The following LDHC variants were observed in gnomAD, a reference collection of about 807,000 sequenced individuals.
The protein encoded by LDHC is L-lactate dehydrogenase C chain.
Under a neutral mutation model 30.2 loss-of-function variants are expected in LDHC, and 20 were observed. That is an observed-to-expected ratio of 0.66 (90% CI 0.47 to 0.96). LDHC has a LOEUF of 0.96. Ranked by LOEUF, LDHC falls within the 40% of genes least tolerant of loss-of-function variation. The probability of loss-of-function intolerance (pLI) is 0.00; values close to 1 mark genes in which losing one functional copy is unlikely to be tolerated. For synonymous variants in LDHC, 139 were observed against 132.7 expected, an observed-to-expected ratio of 1.05 and a Z score of -0.32; for missense variants, 362 against 394.9, an observed-to-expected ratio of 0.92 and a Z score of 0.71.
chr11:18,432,493 T>C (rs1029340193), intron 4 of LDHC, among the ~76,000 whole-genome samples: 3 of 152,238 alleles, frequency 2.0e-5, no homozygotes, highest in African/African-American at 7.2e-5. Flanking sequence ...TTCCAAGGTA[T>C]AGTTTAAATT....
At chr11:18,423,131 C>G (rs1848097313) in intron 3 of LDHC, among the ~76,000 whole-genome samples, 1 of 152,048 alleles carries the variant, frequency 6.6e-6, no homozygotes, top group Non-Finnish European at 1.5e-5. Flanking sequence ...TCGAGACCAG[C>G]CTGGCCAACA....
intron 5 of LDHC, among the ~76,000 whole-genome samples, chr11:18,436,006 T>C (rs559162863): frequency 2.0e-5 from 3 of 152,340 alleles, no homozygotes; most frequent in Non-Finnish European, 2.9e-5. Flanking sequence ...AATAAACCAA[T>C]TGAGAATAAA....
intron 1 of LDHC, 39 bp from the exon 2 acceptor site, chr11:18,412,670 A>G (rs2134041372): frequency 6.3e-7 from 1 of 1,581,626 alleles, no homozygotes; most frequent in South Asian, 1.1e-5. Flanking sequence ...TTAGATGTTC[A>G]GTGTGGTTAA....
chr11:18,414,251 A>T (rs945133060), intron 2 of LDHC, among the ~76,000 whole-genome samples: 2 of 152,168 alleles, frequency 1.3e-5, no homozygotes, highest in African/African-American at 4.8e-5. Flanking sequence ...ATGTCCACTT[A>T]TGAACTGATT....
intron 4 of LDHC, 38 bp from the exon 5 acceptor site, chr11:18,434,702 T>C (rs760847131): frequency 2.9e-6 from 4 of 1,370,578 alleles, no homozygotes; most frequent in Non-Finnish European, 4.1e-6. Flanking sequence ...TTTTAAGTTA[T>C]GATGAATCTT....
intron 6 of LDHC, among the ~76,000 whole-genome samples, chr11:18,442,245 T>A (rs1464429407): frequency 1.3e-5 from 2 of 152,140 alleles, no homozygotes; most frequent in Non-Finnish European, 2.9e-5. Flanking sequence ...TAGTTAATAG[T>A]CCACATTTAT....
intron 3 of LDHC, among the ~76,000 whole-genome samples, chr11:18,426,526 C>A (rs79525238): frequency 4.7e-3 from 518 of 111,314 alleles, no homozygotes; most frequent in Admixed American, 7.2e-3. Flanking sequence ...GACTCCGTCT[C>A]AAAAAAAAAA....
intron 6 of LDHC, among the ~76,000 whole-genome samples, chr11:18,442,660 CTTTT>C (rs34884188): frequency 8.9e-6 from 1 of 112,624 alleles, no homozygotes; most frequent in Admixed American, 1.1e-4. Context: ...TTCTCTCTCT[CTTTT>C]TTTTTTTTTT....
At chr11:18,412,685 A>G (rs745890713) in intron 1 of LDHC, 24 bp from the exon 2 acceptor site, 33 of 1,606,200 alleles carry the variant, frequency 2.1e-5, no homozygotes, top group African/African-American at 5.3e-5. Flanking sequence ...GGTTAATCCA[A>G]TGAAATTGCA....
Position 18,426,833 on chromosome 11 carries a change from AT to A in LDHC, c.245-2901del, listed in dbSNP as rs1433623110. 3.9e-5 allele frequency among the ~76,000 whole-genome samples: 6 copies of A among 152,164 alleles called. No individual in the cohort carries two copies. The East Asian group carries it at 1.2e-3, about 29-fold the overall frequency. ...GTGCCCTGATCCTGTTAATGCCATC[AT>A]TTCCTTACCTGTTGTTTATTTTTCT... On this transcript the variant is annotated intron_variant, in intron 3 of 7. Transcript: ENST00000541669.
Position 18,450,784 on chromosome 11 carries a change from T to C in LDHC, c.835-179T>C, listed in dbSNP as rs150287472. ...TCTTCTTCATGTCACTGAATGTAAG[T>C]TCCACATGGTTATAGGACATAAGGA... On this transcript the variant is annotated intron_variant, in intron 7 of 7. Coordinates refer to ENST00000541669, the MANE Select transcript of LDHC (RefSeq NM_017448.5). The C allele has an allele frequency of 4.1e-5, 20 of 482,316 alleles. No individual in the cohort carries two copies. In the East Asian group the frequency reaches 7.2e-4, roughly 17 times the overall value. The allele number at this position is 482,316 out of a possible 1,614,324, so 29.9% of individuals were successfully genotyped here.
intron 4 of LDHC, among the ~76,000 whole-genome samples, chr11:18,431,533 T>G (rs1189410894): frequency 6.6e-6 from 1 of 151,654 alleles, no homozygotes; most frequent in Non-Finnish European, 1.5e-5. Context: ...TTGTGTGTGT[T>G]TTTGTTTTGT....
At position 18,450,944 on chromosome 11, in the gene LDHC, A is replaced by G; in HGVS notation, c.835-19A>G. Reference sequence around the variant, plus strand: ...TTCCATATCAGGTTATTTGAACAATATCTTATCTTGCCTTTCAGGGATTAT... The same window carrying G: ...TTCCATATCAGGTTATTTGAACAATGTCTTATCTTGCCTTTCAGGGATTAT... On this transcript the variant is annotated intron_variant, in intron 7 of 7. Coordinates refer to ENST00000541669, the MANE Select transcript of LDHC (RefSeq NM_017448.5). 1 of 1,555,040 alleles carries G rather than the reference A, an allele frequency of 6.4e-7. No individual in the cohort carries two copies. Among genetic ancestry groups the G allele is most frequent in the Non-Finnish European group, 8.7e-7 (1 of 1,149,202 alleles).
At chr11:18,426,394 G>T (rs1408756164) in intron 3 of LDHC, among the ~76,000 whole-genome samples, 1 of 152,026 alleles carries the variant, frequency 6.6e-6, no homozygotes, top group Non-Finnish European at 1.5e-5. Flanking sequence ...GGGCATGGTG[G>T]CGGGTCCCTG....
chr11:18,428,320 G>A (rs1280090344), intron 3 of LDHC, among the ~76,000 whole-genome samples: 1 of 151,260 alleles, frequency 6.6e-6, no homozygotes, highest in Non-Finnish European at 1.5e-5. Flanking sequence ...TAAGATGCAC[G>A]CCACCATGGC....
At chr11:18,438,233 A>G (rs1311375071) in intron 5 of LDHC, among the ~76,000 whole-genome samples, 2 of 152,184 alleles carry the variant, frequency 1.3e-5, no homozygotes, top group Non-Finnish European at 2.9e-5. Context: ...TAGTGAGGGC[A>G]GAAACGAGAG....
intron 3 of LDHC, among the ~76,000 whole-genome samples, chr11:18,420,944 A>C (rs1043576160): frequency 5.9e-5 from 9 of 152,198 alleles, no homozygotes; most frequent in African/African-American, 1.4e-4. Context: ...TGAATGAAGT[A>C]GTGTTCTAAG....
rs1848645598 is a variant in LDHC, at chr11:18,450,955, C to T, written c.835-8C>T. 3 of 1,568,258 alleles carry T rather than the reference C, an allele frequency of 1.9e-6. No homozygotes were observed. Among genetic ancestry groups the T allele is most frequent in the East Asian group, 2.3e-5 (1 of 43,286 alleles). ...GTTATTTGAACAATATCTTATCTTG[C>T]CTTTCAGGGATTATATGGAATAAAA... On this transcript the variant is annotated splice_region_variant and splice_polypyrimidine_tract_variant and intron_variant, in intron 7 of 7. Coordinates refer to ENST00000541669, the MANE Select transcript of LDHC (RefSeq NM_017448.5).
At chr11:18,426,873 C>T (rs753331062) in intron 3 of LDHC, among the ~76,000 whole-genome samples, 21 of 151,948 alleles carry the variant, frequency 1.4e-4, no homozygotes, top group Non-Finnish European at 2.6e-4. Context: ...AAAATACAAC[C>T]ACATATCATT....
Sources: gnomAD v4.1 joint callset for allele counts (sites outside exome capture counted in the v4.1 genomes callset) on GRCh38, gnomAD v4.1.1 for gene constraint, MANE v1.5 for transcripts, NCBI Gene and HGNC (gene_info 2026-07-23, HGNC 2026-07-21) for gene names.